The following ZNF385D variants were observed in gnomAD, a reference collection of about 807,000 sequenced individuals.
ZNF385D encodes the protein zinc finger protein 385D.
Under a neutral mutation model 35.8 loss-of-function variants are expected in ZNF385D, and 15 were observed. The ratio of observed to expected loss-of-function variants is 0.42; its 90% CI spans 0.28 to 0.64. ZNF385D has a LOEUF of 0.64. Ranked by LOEUF, ZNF385D falls within the 30% of genes least tolerant of loss-of-function variation. The pLI is 0.23. For synonymous variants in ZNF385D, 212 were observed against 186.8 expected, an observed-to-expected ratio of 1.13 and a Z score of -1.10; for missense variants, 474 against 494.6, an observed-to-expected ratio of 0.96 and a Z score of 0.39.
At chr3:21,660,248 A>G in intron 2 of ZNF385D, among the ~76,000 whole-genome samples, 1 of 152,174 alleles carries the variant, frequency 6.6e-6, no homozygotes, top group African/African-American at 2.4e-5. Context: ...TTAATGTTAA[A>G]GAACCATCAG....
At chr3:22,146,687 A>C (rs1704880005) in intron 3 of ZNF385D, among the ~76,000 whole-genome samples, 1 of 152,180 alleles carries the variant, frequency 6.6e-6, no homozygotes, top group South Asian at 2.1e-4. Context: ...AACACTTATG[A>C]TTTTACCTAG....
chr3:21,890,421 C>A (rs1470750399), intron 3 of ZNF385D, among the ~76,000 whole-genome samples: 2 of 152,090 alleles, frequency 1.3e-5, no homozygotes, highest in African/African-American at 4.8e-5. Context: ...GAGTTTGAGA[C>A]CAGCCTGGCC....
chr3:21,711,233 G>C (rs946114654), intron 1 of ZNF385D, among the ~76,000 whole-genome samples: 5 of 151,616 alleles, frequency 3.3e-5, no homozygotes, highest in African/African-American at 1.2e-4. Context: ...AGTAGAGTCA[G>C]GGTTTCACCG....
intron 3 of ZNF385D, among the ~76,000 whole-genome samples, chr3:21,910,242 C>G (rs528544410): frequency 6.6e-6 from 1 of 151,858 alleles, no homozygotes; most frequent in Non-Finnish European, 1.5e-5. Flanking sequence ...GGAAATGATA[C>G]CATTTGCCAG....
Position 21,970,728 on chromosome 3 carries a change from G to C in ZNF385D, c.325+198089C>G, listed in dbSNP as rs985716835. Among the ~76,000 whole-genome samples the C allele has an allele frequency of 3.0e-4, 45 of 151,968 alleles. 1 individual carries two copies. Among genetic ancestry groups the C allele is most frequent in the African/African-American group, 1.1e-3 (44 of 41,402 alleles). ...GTACAAGAAGTTTATAGAACACCAA[G>C]AAGATTTAACCCAAGGAAGACTGCC... is the stretch of plus-strand genomic sequence containing the variant. On this transcript the variant is annotated intron_variant, in intron 3 of 5. Coordinates refer to the ZNF385D transcript ENST00000494108.
At chr3:22,329,849 G>C (rs1694853971) in intron 2 of ZNF385D, among the ~76,000 whole-genome samples, 1 of 152,130 alleles carries the variant, frequency 6.6e-6, no homozygotes, top group African/African-American at 2.4e-5. Flanking sequence ...AAAAATTATT[G>C]AGATAGCTTT....
intron 3 of ZNF385D, among the ~76,000 whole-genome samples, chr3:22,127,100 G>T (rs981258000): frequency 1.3e-5 from 2 of 151,856 alleles, no homozygotes; most frequent in African/African-American, 4.8e-5. Context: ...ATAAGCAATA[G>T]ATCATTAGGT....
chr3:21,897,361 C>T (rs910612360), intron 3 of ZNF385D, among the ~76,000 whole-genome samples: 3 of 152,138 alleles, frequency 2.0e-5, no homozygotes, highest in African/African-American at 7.2e-5. Context: ...ATACCTCAAA[C>T]ACAGGAGATC....
At chr3:21,844,161 G>A (rs1419401546) in intron 3 of ZNF385D, among the ~76,000 whole-genome samples, 1 of 151,856 alleles carries the variant, frequency 6.6e-6, no homozygotes, top group Non-Finnish European at 1.5e-5. Context: ...ACCCTGAGAG[G>A]TAGACAGTAC....
At chr3:22,020,554 T>C (rs1697162254) in intron 3 of ZNF385D, among the ~76,000 whole-genome samples, 1 of 151,884 alleles carries the variant, frequency 6.6e-6, no homozygotes. Context: ...ACCAGATAAA[T>C]GCAAATTAAA....
At chr3:21,677,364 A>G (rs1235167951) in intron 1 of ZNF385D, among the ~76,000 whole-genome samples, 2 of 152,032 alleles carry the variant, frequency 1.3e-5, no homozygotes, top group Admixed American at 6.6e-5. Flanking sequence ...GCCTAAATAT[A>G]CAAATCTGGA....
In ZNF385D at chr3:21,698,948, G is replaced by A. The variant is rs530792295; in HGVS notation, c.23-33920C>T. Reference sequence around the variant, plus strand: ...GACGCTGTGGCAATTCAAGAATCTAGAACCAGAAAAACCATTTGACCCAGC... The same window carrying A: ...GACGCTGTGGCAATTCAAGAATCTAAAACCAGAAAAACCATTTGACCCAGC... On this transcript the variant is annotated intron_variant, in intron 1 of 7. Coordinates refer to ENST00000281523, the MANE Select transcript of ZNF385D (RefSeq NM_024697.3). Among the ~76,000 whole-genome samples, 403 of 152,150 alleles carry A rather than the reference G, an allele frequency of 2.6e-3. 2 individuals carry two copies. Among genetic ancestry groups the A allele is most frequent in the Non-Finnish European group, 4.1e-3 (282 of 67,982 alleles).
At chr3:21,425,009 G>T (rs1700950473) in intron 6 of ZNF385D, among the ~76,000 whole-genome samples, 1 of 152,138 alleles carries the variant, frequency 6.6e-6, no homozygotes, top group Admixed American at 6.6e-5. Context: ...CCTATTGCAG[G>T]TGGCTGCAAG....
At chr3:21,769,686 C>A (rs2070991657) in intron 3 of ZNF385D, among the ~76,000 whole-genome samples, 1 of 127,612 alleles carries the variant, frequency 7.8e-6, no homozygotes, top group Non-Finnish European at 1.6e-5. Context: ...GATTCAATGC[C>A]ATCCCCATCA....
At chr3:21,951,036 T>C (rs997416940) in intron 3 of ZNF385D, among the ~76,000 whole-genome samples, 2 of 151,752 alleles carry the variant, frequency 1.3e-5, no homozygotes, top group African/African-American at 4.9e-5. Flanking sequence ...TGGGCTCTTT[T>C]TTGGTTCTCA....
intron 3 of ZNF385D, among the ~76,000 whole-genome samples, chr3:21,766,860 G>C (rs11921606): frequency 6.6e-6 from 1 of 151,982 alleles, no homozygotes; most frequent in South Asian, 2.1e-4. Context: ...AGGTGAACCA[G>C]TGTACTGGAA....
chr3:21,778,884 T>G (rs2071391223), intron 3 of ZNF385D, among the ~76,000 whole-genome samples: 1 of 151,928 alleles, frequency 6.6e-6, no homozygotes, highest in African/African-American at 2.4e-5. Flanking sequence ...GCACATAGTC[T>G]GGAACATTAC....
chr3:22,210,262 C>A (rs1162024414), intron 2 of ZNF385D, among the ~76,000 whole-genome samples: 1 of 151,762 alleles, frequency 6.6e-6, no homozygotes, highest in Non-Finnish European at 1.5e-5. Flanking sequence ...TTAATTAATA[C>A]CTTACATAAC....
At chr3:21,826,148 A>G (rs1694608312) in intron 3 of ZNF385D, among the ~76,000 whole-genome samples, 1 of 152,198 alleles carries the variant, frequency 6.6e-6, no homozygotes, top group Non-Finnish European at 1.5e-5. Context: ...TTTGACCAGA[A>G]GTAGTCACCT....
Sources: gnomAD v4.1 joint callset for allele counts (sites outside exome capture counted in the v4.1 genomes callset) on GRCh38, gnomAD v4.1.1 for gene constraint, MANE v1.5 for transcripts, NCBI Gene and HGNC (gene_info 2026-07-23, HGNC 2026-07-21) for gene names.